The following ARHGEF9 variants were observed in gnomAD, a reference collection of about 807,000 sequenced individuals.
The protein encoded by ARHGEF9 is rho guanine nucleotide exchange factor 9.
In ARHGEF9, 2 loss-of-function variants were observed where a neutral mutation model predicts 41.3. The observed-to-expected ratio is 0.05, with a 90% CI of 0.02 to 0.15. The LOEUF (loss-of-function observed/expected upper bound fraction) is 0.15. Among genes scored for constraint, ARHGEF9 ranks in the 10% least tolerant of loss-of-function variants. The pLI, the probability that ARHGEF9 is intolerant of heterozygous loss-of-function variation, is 1.00. For missense variants in ARHGEF9, 225 were observed against 424.7 expected, an observed-to-expected ratio of 0.53 and a Z score of 4.13; for synonymous variants, 160 against 154.4, an observed-to-expected ratio of 1.04 and a Z score of -0.27.
intron 2 of ARHGEF9, chrX:63,722,620 T>C (rs2053702386): frequency 9.0e-6 from 1 of 111,146 alleles, no homozygotes; most frequent in African/African-American, 3.3e-5. Context: ...GCTCAATCAT[T>C]TCCCCCCATC....
At chrX:63,739,391 C>A (rs1279413758) in intron 1 of ARHGEF9, among the ~76,000 whole-genome samples, 1 of 111,806 alleles carries the variant, frequency 8.9e-6, no homozygotes, top group East Asian at 2.8e-4. Flanking sequence ...CTCTCTTGGG[C>A]AAGCAGGGAG....
intron 1 of ARHGEF9, chrX:63,754,217 C>T: frequency 9.7e-7 from 1 of 1,026,078 alleles, no homozygotes; most frequent in East Asian, 3.0e-5. Context: ...TCTTCATCAA[C>T]AATTTCACTC....
At chrX:63,646,797 T>C (rs1365849477) in intron 8 of ARHGEF9, among the ~76,000 whole-genome samples, 1 of 112,056 alleles carries the variant, frequency 8.9e-6, no homozygotes, top group Non-Finnish European at 1.9e-5. Flanking sequence ...GGGGATGGCA[T>C]TGAATCTATA....
At chrX:63,653,512 G>A (rs1473594197) in intron 8 of ARHGEF9, among the ~76,000 whole-genome samples, 1 of 111,493 alleles carries the variant, frequency 9.0e-6, no homozygotes, top group East Asian at 2.8e-4. Flanking sequence ...GATACAAGGG[G>A]TTATAGTTAG....
At chrX:63,668,833 C>T (rs1308024490) in intron 6 of ARHGEF9, among the ~76,000 whole-genome samples, 3 of 112,115 alleles carry the variant, frequency 2.7e-5, no homozygotes, top group Non-Finnish European at 5.6e-5. Flanking sequence ...CCCAAAGGGG[C>T]AGAACCTAGG....
At chrX:63,656,500 A>G (rs1178633208) in intron 7 of ARHGEF9, 1 of 111,244 alleles carries the variant, frequency 9.0e-6, no homozygotes, top group Non-Finnish European at 1.9e-5. Context: ...CTATTTATTC[A>G]TTTACTTACT....
intron 8 of ARHGEF9, among the ~76,000 whole-genome samples, chrX:63,646,706 A>C (rs1465511670): frequency 5.4e-5 from 6 of 111,871 alleles, no homozygotes; most frequent in Non-Finnish European, 7.5e-5. Context: ...TTGACTTGGC[A>C]ATGCGGGCTC....
chrX:63,727,048 A>G (rs782501404), intron 1 of ARHGEF9: 5 of 112,078 alleles, frequency 4.5e-5, no homozygotes, highest in Non-Finnish European at 7.5e-5. Context: ...CTCTCCTGGA[A>G]AAGATGGGTC....
intron 1 of ARHGEF9, among the ~76,000 whole-genome samples, chrX:63,758,083 G>A (rs2055966876): frequency 9.1e-6 from 1 of 109,630 alleles, no homozygotes; most frequent in African/African-American, 3.3e-5. Flanking sequence ...AGGTTCCAGT[G>A]TCTAGCCATT....
intron 1 of ARHGEF9, among the ~76,000 whole-genome samples, chrX:63,751,211 G>C (rs868994227): frequency 1.8e-5 from 2 of 111,235 alleles, no homozygotes; most frequent in Admixed American, 9.5e-5. Flanking sequence ...AAATCAGAGA[G>C]GAAAAGTCCT....
intron 3 of ARHGEF9, chrX:63,701,744 C>G (rs1556396023): frequency 2.7e-5 from 3 of 111,679 alleles, no homozygotes. Flanking sequence ...ATACAAGGAA[C>G]TCTTACAAAT....
intron 1 of ARHGEF9, among the ~76,000 whole-genome samples, chrX:63,748,203 A>G (rs1207488117): frequency 8.9e-6 from 1 of 112,289 alleles, no homozygotes; most frequent in East Asian, 2.8e-4. Context: ...TCCCAACTCC[A>G]AGAGGGGCTC....
At chrX:63,724,983 T>G in intron 1 of ARHGEF9, 2 of 343,565 alleles carry the variant, frequency 5.8e-6, no homozygotes, top group Non-Finnish European at 5.1e-6. Context: ...GAACTTCTCC[T>G]GTGCAGAACA....
chrX:63,644,119 C>T (rs1602179922), intron 8 of ARHGEF9, 71 bp from the exon 9 acceptor site: 9 of 716,251 alleles, frequency 1.3e-5, no homozygotes, highest in African/African-American at 6.7e-5. Flanking sequence ...AATGAGTAAA[C>T]TTTTCTGTAA....
intron 1 of ARHGEF9, among the ~76,000 whole-genome samples, chrX:63,769,628 G>A (rs1204650599): frequency 3.6e-5 from 4 of 111,263 alleles, no homozygotes; most frequent in Admixed American, 2.8e-4. Context: ...TTCTTGGGCC[G>A]GGCCCAGGGT....
intron 1 of ARHGEF9, among the ~76,000 whole-genome samples, chrX:63,758,477 C>A (rs782503646): frequency 1.8e-5 from 2 of 112,774 alleles, no homozygotes; most frequent in African/African-American, 6.4e-5. Flanking sequence ...AGCTCCTCGG[C>A]GCATTTAAGG....
intron 4 of ARHGEF9, among the ~76,000 whole-genome samples, chrX:63,689,739 A>T (rs2051218153): frequency 8.9e-6 from 1 of 112,244 alleles, no homozygotes; most frequent in South Asian, 3.7e-4. Context: ...AACAGGCCAT[A>T]TGTTAGGCCA....
At chrX:63,697,755 C>A (rs781927654) in intron 3 of ARHGEF9, among the ~76,000 whole-genome samples, 3 of 111,652 alleles carry the variant, frequency 2.7e-5, no homozygotes, top group African/African-American at 6.5e-5. Context: ...CACAAGGGAA[C>A]AGAAATTGAC....
At chrX:63,776,973 G>A (rs1485497987) in intron 1 of ARHGEF9, among the ~76,000 whole-genome samples, 5 of 111,759 alleles carry the variant, frequency 4.5e-5, no homozygotes, top group African/African-American at 1.6e-4. Flanking sequence ...GGCTGAGACT[G>A]TACTACTGTA....
Sources: allele counts gnomAD v4.1 joint callset (sites outside exome capture counted in the v4.1 genomes callset), GRCh38; gene constraint gnomAD v4.1.1; transcripts MANE v1.5; gene names NCBI Gene and HGNC (gene_info 2026-07-23, HGNC 2026-07-21).